Variants in TEK observed in about 807,000 individuals in gnomAD.
The protein encoded by TEK is TEK receptor tyrosine kinase, also known as angiopoietin-1 receptor.
A neutral mutation model predicts 131.8 loss-of-function variants in TEK; 43 were observed. The ratio of observed to expected loss-of-function variants is 0.33; its 90% CI spans 0.26 to 0.42. TEK has a LOEUF of 0.42. Ranked by LOEUF, TEK falls within the 10% of genes least tolerant of loss-of-function variation. TEK has a pLI of 1.00. For synonymous variants in TEK, 580 were observed against 491.6 expected (o/e 1.18, Z -2.38); for missense variants, 1,162 against 1,384.4 (o/e 0.84, Z 2.55).
At chr9:27,116,298 T>G (rs1391944203) in intron 1 of TEK, among the ~76,000 whole-genome samples, 1 of 152,128 alleles carries the variant, frequency 6.6e-6, no homozygotes, top group Non-Finnish European at 1.5e-5. Flanking sequence ...AAAGGAAGTT[T>G]TTTTTTTTGA....
At chr9:27,114,115 C>A (rs1434034522) in intron 1 of TEK, among the ~76,000 whole-genome samples, 1 of 152,194 alleles carries the variant, frequency 6.6e-6, no homozygotes, top group Non-Finnish European at 1.5e-5. Context: ...TCTCTCACAA[C>A]AGATATTATT....
At chr9:27,112,196 C>T (rs615636) in intron 1 of TEK, among the ~76,000 whole-genome samples, 2 of 152,114 alleles carry the variant, frequency 1.3e-5, no homozygotes, top group Non-Finnish European at 1.5e-5. Context: ...ACCACGCCCG[C>T]CCTTGTCACT....
chr9:27,192,955 C>T (rs1824877779), intron 11 of TEK, among the ~76,000 whole-genome samples: 2 of 152,210 alleles, frequency 1.3e-5, no homozygotes, highest in South Asian at 2.1e-4. Flanking sequence ...CTGTGCTGAG[C>T]TTCAGCTCCT....
At position 27,197,546 on chromosome 9, in the gene TEK, C is replaced by G. The variant is rs927503138; in HGVS notation, c.1856C>G (p.Thr619Ser). The G allele has an allele frequency of 2.5e-6, 4 of 1,613,948 alleles. No individual in the cohort carries two copies. The African/African-American group carries it at 4.0e-5, about 16-fold the overall frequency. Residue 619 changes from threonine (T) to serine (S), a missense_variant, in exon 12 of 23, where the codon ACC (threonine) becomes AGC (serine). By Grantham distance (58) the Thr-to-Ser change is moderately conservative (BLOSUM62 1). This residue lies in a region of TEK where 477 missense variants were observed against 471.0 expected (regional missense o/e 1.01). Transcript: ENST00000380036. ...EQYVVRARVN[T>S]KAQGEWSEDL... The stretch of plus-strand genomic sequence containing the variant: ...TACGTGGTCCGAGCTAGAGTCAACA[C>G]CAAGGCCCAGGGGGAATGGAGTGAA...
At chr9:27,139,578 C>T (rs1318586847) in intron 1 of TEK, among the ~76,000 whole-genome samples, 1 of 151,984 alleles carries the variant, frequency 6.6e-6, no homozygotes, top group Non-Finnish European at 1.5e-5. Context: ...CCCACCTCGG[C>T]CTCCCAAAGT....
chr9:27,119,904 C>T (rs1821716333), intron 1 of TEK, among the ~76,000 whole-genome samples: 2 of 123,446 alleles, frequency 1.6e-5, no homozygotes, highest in South Asian at 2.7e-4. Flanking sequence ...TGTGTGTGTG[C>T]ATGTGGGTGT....
At chr9:27,178,297 C>G (rs1357645427) in intron 6 of TEK, among the ~76,000 whole-genome samples, 1 of 151,986 alleles carries the variant, frequency 6.6e-6, no homozygotes, top group Non-Finnish European at 1.5e-5. Flanking sequence ...TCTGGGCTGT[C>G]AATTCTGTTC....
intron 1 of TEK, among the ~76,000 whole-genome samples, chr9:27,132,659 G>A (rs925687195): frequency 4.6e-5 from 7 of 152,140 alleles, no homozygotes; most frequent in Non-Finnish European, 1.0e-4. Context: ...AGAACTCTGA[G>A]TTATTTCAAA....
At chr9:27,123,581 T>C (rs1821881163) in intron 1 of TEK, among the ~76,000 whole-genome samples, 2 of 152,204 alleles carry the variant, frequency 1.3e-5, no homozygotes, top group South Asian at 4.1e-4. Flanking sequence ...GTTTCTGAAA[T>C]CTCTTAACAG....
chr9:27,160,343 G>GT (rs1823503572), intron 2 of TEK, among the ~76,000 whole-genome samples: 1 of 152,152 alleles, frequency 6.6e-6, no homozygotes, highest in African/African-American at 2.4e-5. Flanking sequence ...AGCTGATCCA[G>GT]TTAAGTAACA....
chr9:27,167,498 G>C (rs1341192881), intron 2 of TEK, among the ~76,000 whole-genome samples: 4 of 152,110 alleles, frequency 2.6e-5, no homozygotes, highest in East Asian at 1.9e-4. Flanking sequence ...AAAGGGCTGG[G>C]ATTACAGGCA....
At chr9:27,191,414 G>T (rs1824818198) in intron 10 of TEK, among the ~76,000 whole-genome samples, 3 of 152,080 alleles carry the variant, frequency 2.0e-5, no homozygotes, top group Admixed American at 2.0e-4. Flanking sequence ...ATTTTAAAAA[G>T]CAAAGAGCAT....
intron 11 of TEK, chr9:27,195,570 A>C (rs546129194): frequency 2.2e-6 from 1 of 450,294 alleles, no homozygotes; most frequent in African/African-American, 2.0e-5. Flanking sequence ...GAATGCATGA[A>C]TTAGAGGATC....
chr9:27,137,551 G>C (rs990936787), intron 1 of TEK, among the ~76,000 whole-genome samples: 4 of 152,044 alleles, frequency 2.6e-5, no homozygotes, highest in Non-Finnish European at 4.4e-5. Flanking sequence ...GGTGAGATAA[G>C]TTAGGCTTTT....
intron 1 of TEK, among the ~76,000 whole-genome samples, chr9:27,146,720 A>ATTTTT (rs34727945): frequency 9.7e-5 from 11 of 113,692 alleles, no homozygotes; most frequent in African/African-American, 1.3e-4. Context: ...TAAACATTCT[A>ATTTTT]TTTTTTTTTT....
intron 7 of TEK, among the ~76,000 whole-genome samples, chr9:27,182,676 A>G (rs1031764312): frequency 3.9e-5 from 6 of 152,194 alleles, no homozygotes; most frequent in Non-Finnish European, 7.3e-5. Flanking sequence ...CTCACATTCA[A>G]TTACAAATAG....
chr9:27,150,674 C>T (rs1245179136), intron 1 of TEK, among the ~76,000 whole-genome samples: 3 of 152,230 alleles, frequency 2.0e-5, no homozygotes, highest in Non-Finnish European at 2.9e-5. Context: ...TGTAAACAAT[C>T]CTTGATTTGA....
intron 15 of TEK, among the ~76,000 whole-genome samples, chr9:27,208,118 C>A (rs1422734774): frequency 6.6e-6 from 1 of 152,112 alleles, no homozygotes; most frequent in Non-Finnish European, 1.5e-5. Context: ...GCAGGCAAAG[C>A]AGTGCATCCA....
At chr9:27,131,929 T>A (rs1169363266) in intron 1 of TEK, among the ~76,000 whole-genome samples, 1 of 152,194 alleles carries the variant, frequency 6.6e-6, no homozygotes, top group Non-Finnish European at 1.5e-5. Flanking sequence ...AAAATGTTCC[T>A]TTCTAACCAT....
Sources: gnomAD v4.1 joint callset for allele counts (sites outside exome capture counted in the v4.1 genomes callset) on GRCh38, gnomAD v4.1.1 for gene constraint, gnomAD v4.1.1 regional missense constraint, MANE v1.5 for transcripts, NCBI Gene and HGNC (gene_info 2026-07-23, HGNC 2026-07-21) for gene names.